The following BEND3 variants were observed in gnomAD, a reference collection of about 807,000 sequenced individuals.
BEND3 encodes BEN domain containing 3.
BEND3 carries 13 observed loss-of-function variants against 60.1 expected under a neutral mutation model. That is an observed-to-expected ratio of 0.22 (90% CI 0.14 to 0.34). The LOEUF (loss-of-function observed/expected upper bound fraction) is 0.34. BEND3 is among the 10% of genes least tolerant of loss of function. BEND3 has a pLI of 1.00. For missense variants in BEND3, 896 were observed against 1,138.1 expected (o/e 0.79, Z 3.06); for synonymous variants, 497 against 491.5 (o/e 1.01, Z -0.15).
intron 1 of BEND3, among the ~76,000 whole-genome samples, chr6:107,110,200 G>A (rs2115040156): frequency 6.6e-6 from 1 of 152,304 alleles, no homozygotes; most frequent in African/African-American, 2.4e-5. Context: ...GGTATCAGGT[G>A]ACCTGCTGAG....
At chr6:107,083,439 G>C (rs1456059197) in intron 3 of BEND3, among the ~76,000 whole-genome samples, 2 of 151,908 alleles carry the variant, frequency 1.3e-5, no homozygotes, top group African/African-American at 4.8e-5. Flanking sequence ...GGGCAACATG[G>C]CCAAACCCCA....
chr6:107,072,253 G>A (rs73519802), intron 3 of BEND3, among the ~76,000 whole-genome samples: 1 of 152,282 alleles, frequency 6.6e-6, no homozygotes, highest in African/African-American at 2.4e-5. Flanking sequence ...GAGTACAGGT[G>A]GCTGGGACTG....
At position 107,069,538 on chromosome 6, in the gene BEND3, G is replaced by A. The variant is rs782209814; in HGVS notation, c.1653C>T (p.Ala551=). Residue 551 remains alanine (A), a synonymous_variant, in exon 4 of 4, where the codon GCC becomes GCT. Coordinates refer to ENST00000369042, the MANE Select transcript of BEND3 (RefSeq NM_001367314.1). ...IPQPDFEVPG[A]DCLLSKEQLR... ...GCTGCTCCTTGCTGAGCAGGCAGTC[G>A]GCACCGGGCACCTCGAAGTCAGGCT... 1.5e-5 allele frequency: 24 copies of A among 1,613,158 alleles called. No individual in the cohort carries two copies. Among genetic ancestry groups the A allele is most frequent in the Admixed American group, 1.7e-5 (1 of 60,034 alleles).
At chr6:107,103,766 T>C (rs1276066281) in intron 1 of BEND3, among the ~76,000 whole-genome samples, 1 of 151,796 alleles carries the variant, frequency 6.6e-6, no homozygotes, top group Non-Finnish European at 1.5e-5. Context: ...CTGACCAACA[T>C]GCAGAAACCC....
At position 107,066,570 on chromosome 6, in the gene BEND3, TAA is replaced by T. The variant is rs1466776677; in HGVS notation, c.*2132_*2133del. 4 of 152,646 alleles carry T rather than the reference TAA, an allele frequency of 2.6e-5. No homozygotes were observed. Among genetic ancestry groups the T allele is most frequent in the African/African-American group, 9.6e-5 (4 of 41,454 alleles). The allele number at this position is 152,646 out of a possible 1,614,324, so 9.5% of individuals were successfully genotyped here. A position where few individuals can be genotyped will look rare whatever the true frequency, so the allele number is the denominator to read the frequency against. On this transcript the variant is annotated 3_prime_UTR_variant, in exon 4 of 4. Coordinates refer to ENST00000369042, the MANE Select transcript of BEND3 (RefSeq NM_001367314.1). Reference sequence around the variant, plus strand: ...ATGGGAGTTTCAAAAAAATTATTAATAAATGATTGTGCTTCTAAAGTTGCAGG... The same window carrying T: ...ATGGGAGTTTCAAAAAAATTATTAATATGATTGTGCTTCTAAAGTTGCAGG...
rs1554234567 is a variant in BEND3, at chr6:107,088,007, C to CCTT, written c.240+10543_240+10544insAAG. 4.3e-3 allele frequency among the ~76,000 whole-genome samples: 561 copies of CCTT among 130,308 alleles called. 5 individuals carry two copies. The highest frequency in any genetic ancestry group is 0.016 in the African/African-American group (537 of 34,602). The allele number at this position is 130,308 out of a possible 152,430, so 85.5% of individuals were successfully genotyped here. ...AACACTGTAATAGAAATGAAGAGCC[C>CCTT]TTTTTTTTTTTTTTTTAGAGACAGG... On this transcript the variant is annotated intron_variant, in intron 3 of 3. Transcript: ENST00000369042.
intron 3 of BEND3, among the ~76,000 whole-genome samples, chr6:107,098,214 A>G (rs1157124844): frequency 6.6e-6 from 1 of 152,248 alleles, no homozygotes; most frequent in Non-Finnish European, 1.5e-5. Flanking sequence ...CCACTTTTGC[A>G]AGAATCAGCT....
chr6:107,107,510 T>G lies in BEND3; in HGVS notation c.-12+7580A>C, dbSNP rs186175138. On this transcript the variant is annotated intron_variant, in intron 1 of 3. Coordinates refer to ENST00000369042, the MANE Select transcript of BEND3 (RefSeq NM_001367314.1). ...CAAAGTCTCATTCTGTCGCCCAGGCTGGAGTGCAGTGGCACAATCTTGGCT... is the reference window on the plus strand; with the variant it reads ...CAAAGTCTCATTCTGTCGCCCAGGCGGGAGTGCAGTGGCACAATCTTGGCT... 1.7e-3 allele frequency among the ~76,000 whole-genome samples: 262 copies of G among 152,238 alleles called. 1 individual carries two copies. Among genetic ancestry groups the G allele is most frequent in the African/African-American group, 6.1e-3 (254 of 41,556 alleles).
At chr6:107,088,522 C>T (rs531027194) in intron 3 of BEND3, among the ~76,000 whole-genome samples, 47 of 151,836 alleles carry the variant, frequency 3.1e-4, no homozygotes, top group Non-Finnish European at 5.7e-4. Flanking sequence ...CAAAACAAAA[C>T]AAAAAAATCC....
chr6:107,073,193 A>ATG (rs1775019229), intron 3 of BEND3, among the ~76,000 whole-genome samples: 4 of 34,566 alleles, frequency 1.2e-4, no homozygotes, highest in East Asian at 1.0e-3. Flanking sequence ...CAGGGTTTGT[A>ATG]TGTGTATGTA....
chr6:107,106,730 C>T (rs1322742146), intron 1 of BEND3, among the ~76,000 whole-genome samples: 1 of 152,056 alleles, frequency 6.6e-6, no homozygotes, highest in Non-Finnish European at 1.5e-5. Flanking sequence ...CCATCTCAGC[C>T]TGTGAGTAGC....
At chr6:107,110,523 C>CA (rs1775919376) in intron 1 of BEND3, among the ~76,000 whole-genome samples, 1 of 151,932 alleles carries the variant, frequency 6.6e-6, no homozygotes, top group Non-Finnish European at 1.5e-5. Context: ...TACAAAGCAC[C>CA]AAAAAAATCA....
In BEND3 at chr6:107,114,586, C is replaced by T. The variant is rs141861715; in HGVS notation, c.-12+504G>A. 5.2e-3 allele frequency among the ~76,000 whole-genome samples: 788 copies of T among 151,242 alleles called. 10 individuals are homozygous for T. Among genetic ancestry groups the T allele is most frequent in the African/African-American group, 0.018 (740 of 41,416 alleles). Reference sequence around the variant, plus strand: ...CCGCCCCCTGCTCCCGCTCCGACACCCCCTTCCACACGCCGAGCAGTGCCC... The same window carrying T: ...CCGCCCCCTGCTCCCGCTCCGACACTCCCTTCCACACGCCGAGCAGTGCCC... On this transcript the variant is annotated intron_variant, in intron 1 of 3. Coordinates refer to ENST00000369042, the MANE Select transcript of BEND3 (RefSeq NM_001367314.1).
At chr6:107,087,192 G>A (rs782619793) in intron 3 of BEND3, among the ~76,000 whole-genome samples, 1 of 151,846 alleles carries the variant, frequency 6.6e-6, no homozygotes, top group East Asian at 1.9e-4. Flanking sequence ...ATCAGCGAAC[G>A]CCTGTAATCC....
Position 107,099,331 on chromosome 6 carries a change from T to C in BEND3, c.-11-35A>G, listed in dbSNP as rs782549224. On this transcript the variant is annotated intron_variant, in intron 1 of 3. Transcript: ENST00000369042. ...AAGACAAAGACAATGTGTTGACTTA[T>C]TGCTTGATTTATTTCTTAATTTTCT... is the stretch of plus-strand genomic sequence containing the variant. 5.8e-6 allele frequency: 9 copies of C among 1,561,592 alleles called. No individual in the cohort carries two copies. In the Admixed American group the frequency reaches 1.6e-4, roughly 27 times the overall value.
rs372113891 is a variant in BEND3, at chr6:107,070,243, G to A, written c.948C>T (p.Pro316=). 2.5e-6 allele frequency: 4 copies of A among 1,612,904 alleles called. No individual in the cohort carries two copies. The East Asian group carries it at 6.7e-5, about 27-fold the overall frequency. Residue 316 remains proline, a synonymous_variant, in exon 4 of 4, where the codon CCC becomes CCT. Transcript: ENST00000369042. This position sits in a 1 kb window ranked among gnomAD's most constrained non-coding sequence, Gnocchi z 6.9. ...GCCACACAGCCGTGTCCTTCACCGA[G>A]GGGTAGTAGACCTCCACATAGTTGC... ...LIRNYVEVYY[P]SVKDTAVWQA...
intron 3 of BEND3, among the ~76,000 whole-genome samples, chr6:107,091,693 A>G (rs1345084477): frequency 2.6e-5 from 4 of 152,172 alleles, no homozygotes; most frequent in Non-Finnish European, 5.9e-5. Flanking sequence ...ACCAGGCCCA[A>G]ATGGGTTCAA....
At chr6:107,090,051 T>G (rs1383282714) in intron 3 of BEND3, among the ~76,000 whole-genome samples, 1 of 152,050 alleles carries the variant, frequency 6.6e-6, no homozygotes, top group Non-Finnish European at 1.5e-5. Context: ...TACCTGATTT[T>G]AAATTATACT....
intron 3 of BEND3, among the ~76,000 whole-genome samples, chr6:107,075,552 G>A (rs1554232671): frequency 6.6e-6 from 1 of 152,120 alleles, no homozygotes. Flanking sequence ...AATTTTAGAG[G>A]TCCCATGGAC....
Sources: allele counts gnomAD v4.1 joint callset (sites outside exome capture counted in the v4.1 genomes callset), GRCh38; gene constraint gnomAD v4.1.1; non-coding constraint Gnocchi (gnomAD v3.1); transcripts MANE v1.5; gene names NCBI Gene and HGNC (gene_info 2026-07-23, HGNC 2026-07-21).